The following SPRR2G variants were observed in gnomAD, a reference collection of about 807,000 sequenced individuals.
The protein encoded by SPRR2G is small proline-rich protein 2G.
In SPRR2G, 1 loss-of-function variant was observed where a neutral mutation model predicts 0.7. That is an observed-to-expected ratio of 1.49 (90% CI 0.53 to 7.06). The LOEUF is 7.06. Among genes scored for constraint, SPRR2G ranks in the 30% most tolerant of loss-of-function variants. SPRR2G has a pLI of 0.14. For synonymous variants in SPRR2G, 38 were observed against 33.9 expected (o/e 1.12, Z -0.42); for missense variants, 96 against 88.5 (o/e 1.09, Z -0.34).
At chr1:153,172,196 G>GA in the SPRR2G span, among the ~76,000 whole-genome samples, 3 of 152,052 alleles carry the variant, frequency 2.0e-5, no homozygotes, top group African/African-American at 7.2e-5. Flanking sequence ...CTCCCTGACT[G>GA]AAAAAACTAT....
chr1:153,190,789 T>C, the SPRR2G span: 1 of 152,354 alleles, frequency 6.6e-6, no homozygotes, highest in South Asian at 2.1e-4. Flanking sequence ...CTGTTTGTAT[T>C]TTCTCCCTAA....
At chr1:153,155,838 A>G (rs113225674), upstream of SPRR2G, among the ~76,000 whole-genome samples, 4,709 of 152,320 alleles carry the variant, frequency 0.031, 243 homozygotes, top group African/African-American at 0.11. Flanking sequence ...ACAATTCTCT[A>G]AAAGCCATCA....
At chr1:153,186,395 C>T in the SPRR2G span, among the ~76,000 whole-genome samples, 3 of 152,154 alleles carry the variant, frequency 2.0e-5, no homozygotes, top group South Asian at 6.2e-4. Context: ...AATCTGGGTG[C>T]TCCTGTATTG....
the SPRR2G span, among the ~76,000 whole-genome samples, chr1:153,167,067 A>G: frequency 2.0e-5 from 3 of 152,236 alleles, no homozygotes; most frequent in Non-Finnish European, 4.4e-5. Flanking sequence ...CACCACCACC[A>G]TCACAGAAGG....
the SPRR2G span, among the ~76,000 whole-genome samples, chr1:153,168,166 C>T: frequency 6.6e-6 from 1 of 152,154 alleles, no homozygotes; most frequent in African/African-American, 2.4e-5. Context: ...TAGACTCTTC[C>T]ACCAACTGTT....
the SPRR2G span, among the ~76,000 whole-genome samples, chr1:153,185,258 T>C: frequency 6.6e-6 from 1 of 152,160 alleles, no homozygotes; most frequent in Non-Finnish European, 1.5e-5. Flanking sequence ...TTCTATTGTT[T>C]GGAATAGTGT....
chr1:153,162,014 T>G, the SPRR2G span, among the ~76,000 whole-genome samples: 5 of 152,144 alleles, frequency 3.3e-5, no homozygotes, highest in African/African-American at 1.2e-4. Context: ...GTTGTTTAAC[T>G]TTTATTTTAA....
the SPRR2G span, among the ~76,000 whole-genome samples, chr1:153,160,683 TGATTCCTCAGG>T: frequency 6.6e-6 from 1 of 152,096 alleles, no homozygotes; most frequent in African/African-American, 2.4e-5. Flanking sequence ...GTCAGTGTGG[TGATTCCTCAGG>T]GATCTAGAAC....
At chr1:153,200,896 T>C in the SPRR2G span, among the ~76,000 whole-genome samples, 1 of 152,046 alleles carries the variant, frequency 6.6e-6, no homozygotes, top group South Asian at 2.1e-4. Context: ...TTAGTAGAGA[T>C]GGGGTTTCAC....
At chr1:153,200,798 C>T in the SPRR2G span, among the ~76,000 whole-genome samples, 1 of 151,338 alleles carries the variant, frequency 6.6e-6, no homozygotes. Flanking sequence ...CTCCCAGGTT[C>T]AAGCGATTCT....
chr1:153,182,787 T>C, the SPRR2G span, among the ~76,000 whole-genome samples: 2 of 152,156 alleles, frequency 1.3e-5, no homozygotes, highest in African/African-American at 4.8e-5. Context: ...TAGTCTATCA[T>C]TGATGGGCAT....
chr1:153,192,376 C>T, the SPRR2G span, among the ~76,000 whole-genome samples: 1 of 152,146 alleles, frequency 6.6e-6, no homozygotes, highest in Admixed American at 6.5e-5. Context: ...TCTCCTCCCA[C>T]CAGCCACACA....
the SPRR2G span, among the ~76,000 whole-genome samples, chr1:153,159,439 G>A: frequency 8.5e-5 from 13 of 152,304 alleles, no homozygotes; most frequent in South Asian, 2.1e-4. Context: ...GGTTAAAACC[G>A]TTCAGCAAGT....
the SPRR2G span, chr1:153,190,511 C>A: frequency 6.6e-6 from 1 of 152,322 alleles, no homozygotes; most frequent in Non-Finnish European, 1.5e-5. Flanking sequence ...GCCACGTTTT[C>A]AAACCTTCCA....
chr1:153,169,285 C>A, the SPRR2G span, among the ~76,000 whole-genome samples: 1 of 152,054 alleles, frequency 6.6e-6, no homozygotes, highest in African/African-American at 2.4e-5. Context: ...ACCTACCAGC[C>A]GGGGTCGCGG....
At chr1:153,155,291 C>G (rs1656559576), upstream of SPRR2G, among the ~76,000 whole-genome samples, 2 of 152,184 alleles carry the variant, frequency 1.3e-5, no homozygotes, top group African/African-American at 2.4e-5. Context: ...ATCTTTCCCA[C>G]AAACCACTTG....
the SPRR2G span, among the ~76,000 whole-genome samples, chr1:153,200,898 G>C: frequency 6.6e-6 from 1 of 152,016 alleles, no homozygotes; most frequent in African/African-American, 2.4e-5. Context: ...AGTAGAGATG[G>C]GGTTTCACCA....
At chr1:153,169,922 C>T in the SPRR2G span, among the ~76,000 whole-genome samples, 1 of 152,212 alleles carries the variant, frequency 6.6e-6, no homozygotes. Flanking sequence ...GGCTGCCTTG[C>T]AGACTGAACC....
chr1:153,197,132 A>ATGTGTGTG, the SPRR2G span, among the ~76,000 whole-genome samples: 2,267 of 140,310 alleles, frequency 0.016, 65 homozygotes, highest in Admixed American at 0.064. Context: ...CAGGCAGAGA[A>ATGTGTGTG]TGTGTGTGTG....
Sources: gnomAD v4.1 joint callset for allele counts (sites outside exome capture counted in the v4.1 genomes callset) on GRCh38, gnomAD v4.1.1 for gene constraint, MANE v1.5 for transcripts, NCBI Gene and HGNC (gene_info 2026-07-23, HGNC 2026-07-21) for gene names.